The following FAM81A variants were observed in gnomAD, a reference collection of about 807,000 sequenced individuals.
FAM81A encodes protein FAM81A.
Under a neutral mutation model 46.7 loss-of-function variants are expected in FAM81A, and 19 were observed. That is an observed-to-expected ratio of 0.41 (90% CI 0.28 to 0.60). FAM81A has a LOEUF of 0.60. Among genes scored for constraint, FAM81A ranks in the 20% least tolerant of loss-of-function variants. The pLI, the probability that FAM81A is intolerant of heterozygous loss-of-function variation, is 0.34. For synonymous variants in FAM81A, 183 were observed against 152.9 expected, an observed-to-expected ratio of 1.20 and a Z score of -1.45; for missense variants, 377 against 453.5, an observed-to-expected ratio of 0.83 and a Z score of 1.53.
intron 4 of FAM81A, among the ~76,000 whole-genome samples, chr15:59,494,219 A>C (rs2082010923): frequency 6.6e-6 from 1 of 152,360 alleles, no homozygotes; most frequent in South Asian, 2.1e-4. Context: ...TTTCGGCTTA[A>C]AAGAAATCCC....
upstream of FAM81A, among the ~76,000 whole-genome samples, chr15:59,437,270 G>C (rs1041334646): frequency 6.6e-6 from 1 of 152,114 alleles, no homozygotes; most frequent in Non-Finnish European, 1.5e-5. Flanking sequence ...AGGCTGGGGC[G>C]GGGTGGGGGA....
intron 4 of FAM81A, among the ~76,000 whole-genome samples, chr15:59,503,682 T>C (rs534564655): frequency 5.3e-5 from 8 of 152,164 alleles, no homozygotes; most frequent in African/African-American, 1.9e-4. Context: ...AAGCGATTCT[T>C]GTGCCTCAGC....
chr15:59,432,992 A>C (rs185738825), intron 2 of FAM81A, among the ~76,000 whole-genome samples: 1 of 150,492 alleles, frequency 6.6e-6, no homozygotes, highest in Non-Finnish European at 1.5e-5. Context: ...AATACAAAAA[A>C]TTAGCTGGGC....
chr15:59,494,612 G>C (rs1418432157), intron 4 of FAM81A, among the ~76,000 whole-genome samples: 3 of 152,132 alleles, frequency 2.0e-5, no homozygotes, highest in African/African-American at 7.2e-5. Flanking sequence ...TTTGTTATGA[G>C]TACTAAATAT....
intron 2 of FAM81A, among the ~76,000 whole-genome samples, chr15:59,431,532 C>CT (rs528145205): frequency 0.14 from 18,776 of 135,444 alleles, 1,441 homozygotes; most frequent in Non-Finnish European, 0.17. Flanking sequence ...TGCAACCAGC[C>CT]TTTTTTTTTT....
intron 4 of FAM81A, among the ~76,000 whole-genome samples, chr15:59,497,354 G>T (rs1006941167): frequency 2.0e-5 from 3 of 151,640 alleles, no homozygotes; most frequent in Non-Finnish European, 4.4e-5. Flanking sequence ...GCTGAGGCAG[G>T]ATAATCGCTT....
chr15:59,496,604 C>CA lies in FAM81A; in HGVS notation c.413+4225dup, dbSNP rs1201202395. ...TGGGCAACATAGCAAGACTCTATCT[C>CA]AAAAAAAAAAGAAAGAAAATCACTT... On this transcript the variant is annotated intron_variant, in intron 4 of 8. Coordinates refer to ENST00000288228, the MANE Select transcript of FAM81A (RefSeq NM_152450.3). Among the ~76,000 whole-genome samples, 310 of 146,310 alleles carry CA rather than the reference C, an allele frequency of 2.1e-3. 2 individuals carry two copies. The highest frequency in any genetic ancestry group is 8.1e-3 in the East Asian group (41 of 5,046).
rs917935700 is a variant in FAM81A at position 59,514,199 on chromosome 15, T to G, written c.651-90T>G. 3 of 1,310,628 alleles carry G rather than the reference T, an allele frequency of 2.3e-6. No homozygotes were observed. The African/African-American group carries it at 4.5e-5, about 20-fold the overall frequency. 81.2% of individuals were successfully genotyped at this position (1,310,628 alleles called of 1,614,324 possible). On this transcript the variant is annotated intron_variant, in intron 6 of 8. Coordinates refer to ENST00000288228, the MANE Select transcript of FAM81A (RefSeq NM_152450.3). ...CACATGTTTACCTGTGTAACAAATC[T>G]GTATATCCTCAACATGTACCCTGGA... is the stretch of plus-strand genomic sequence containing the variant.
intron 3 of FAM81A, among the ~76,000 whole-genome samples, chr15:59,488,259 A>G (rs1485379270): frequency 4.6e-5 from 7 of 152,328 alleles, no homozygotes; most frequent in Middle Eastern, 3.4e-3. Context: ...TAGGTATACA[A>G]GGAACACATC....
chr15:59,398,280 A>G lies in FAM81A; in HGVS notation c.-160-3996A>G, dbSNP rs2081055506. Reference sequence around the variant, plus strand: ...CACTCAGGTAAGTAATTGGTAATGTAGGGTCTAAGTGTTTTCATAGGAATA... The same window carrying G: ...CACTCAGGTAAGTAATTGGTAATGTGGGGTCTAAGTGTTTTCATAGGAATA... On this transcript the variant is annotated intron_variant, in intron 1 of 4. Coordinates refer to the FAM81A transcript ENST00000558348. Among the ~76,000 whole-genome samples, 3 of 152,192 alleles carry G rather than the reference A, an allele frequency of 2.0e-5. 1 individual carries two copies. The South Asian group carries it at 6.2e-4, about 31-fold the overall frequency.
intron 2 of FAM81A, among the ~76,000 whole-genome samples, chr15:59,420,474 A>G (rs562379189): frequency 6.6e-6 from 1 of 152,340 alleles, no homozygotes; most frequent in Non-Finnish European, 1.5e-5. Context: ...TCAAATTAGG[A>G]CAGCTGAGTC....
intron 4 of FAM81A, among the ~76,000 whole-genome samples, chr15:59,499,704 A>G (rs1396678487): frequency 1.3e-5 from 2 of 151,818 alleles, no homozygotes; most frequent in Non-Finnish European, 2.9e-5. Context: ...TTGACAGCTT[A>G]TTTTCTTTTA....
chr15:59,469,753 T>A (rs906309355), intron 3 of FAM81A, among the ~76,000 whole-genome samples: 69 of 152,224 alleles, frequency 4.5e-4, no homozygotes, highest in African/African-American at 1.6e-3. Flanking sequence ...TTTGATCCTG[T>A]CACTATGATG....
chr15:59,448,598 C>CT (rs1196198941), intron 1 of FAM81A, among the ~76,000 whole-genome samples: 2 of 148,504 alleles, frequency 1.3e-5, no homozygotes, highest in Admixed American at 1.3e-4. Flanking sequence ...TTTTTTTTTT[C>CT]TTTTTTACCT....
At chr15:59,415,894 G>T (rs887770176) in intron 2 of FAM81A, among the ~76,000 whole-genome samples, 3 of 152,190 alleles carry the variant, frequency 2.0e-5, no homozygotes, top group Non-Finnish European at 4.4e-5. Context: ...AAGCAGAAAT[G>T]AACTGATTAA....
Position 59,493,304 on chromosome 15 carries a change from G to A in FAM81A, c.413+915G>A, listed in dbSNP as rs139087450. ...CTGGACATGTGTGTTTGAGTCTGCT[G>A]GGTAAAGATCTGTCTATAATAGCAG... On this transcript the variant is annotated intron_variant, in intron 4 of 8. Coordinates refer to ENST00000288228, the MANE Select transcript of FAM81A (RefSeq NM_152450.3). Among the ~76,000 whole-genome samples, 811 of 152,254 alleles carry A rather than the reference G, an allele frequency of 5.3e-3. 6 individuals carry two copies. The highest frequency in any genetic ancestry group is 0.019 in the African/African-American group (782 of 41,532).
chr15:59,470,068 G>A (rs997957779), intron 3 of FAM81A, among the ~76,000 whole-genome samples: 1 of 152,144 alleles, frequency 6.6e-6, no homozygotes, highest in Non-Finnish European at 1.5e-5. Context: ...GGTTTCTGCC[G>A]AGAGATCTGC....
intron 2 of FAM81A, among the ~76,000 whole-genome samples, chr15:59,404,348 C>T (rs2081085210): frequency 6.6e-6 from 1 of 152,178 alleles, no homozygotes; most frequent in Non-Finnish European, 1.5e-5. Context: ...AAGTCAGAGT[C>T]CATAGCCCAT....
At chr15:59,484,647 G>T (rs2081894991) in intron 3 of FAM81A, among the ~76,000 whole-genome samples, 2 of 152,214 alleles carry the variant, frequency 1.3e-5, no homozygotes, top group African/African-American at 4.8e-5. Context: ...TGGGCCTTGG[G>T]TAAGACTCAG....
Sources: gnomAD v4.1 joint callset for allele counts (sites outside exome capture counted in the v4.1 genomes callset) on GRCh38, gnomAD v4.1.1 for gene constraint, MANE v1.5 for transcripts, NCBI Gene and HGNC (gene_info 2026-07-23, HGNC 2026-07-21) for gene names.